The following ME3 variants were observed in gnomAD, a reference collection of about 807,000 sequenced individuals.
ME3 encodes malic enzyme 3.
In ME3, 48 loss-of-function variants were observed where a neutral mutation model predicts 68.9. That is an observed-to-expected ratio of 0.70 (90% CI 0.55 to 0.89). The LOEUF (loss-of-function observed/expected upper bound fraction) is 0.89. Among genes scored for constraint, ME3 ranks in the 40% least tolerant of loss-of-function variants. The pLI, the probability that ME3 is intolerant of heterozygous loss-of-function variation, is 0.00. For synonymous variants in ME3, 320 were observed against 318.8 expected, an observed-to-expected ratio of 1.00 and a Z score of -0.04; for missense variants, 675 against 797.4, an observed-to-expected ratio of 0.85 and a Z score of 1.85.
At chr11:86,629,077 C>A (rs1388690025) in intron 2 of ME3, among the ~76,000 whole-genome samples, 8 of 152,218 alleles carry the variant, frequency 5.3e-5, no homozygotes, top group Admixed American at 5.2e-4. Flanking sequence ...CTTGTTCCTG[C>A]AAAACCTAAC....
At chr11:86,450,523 C>A in intron 8 of ME3, 125 bp from the exon 9 acceptor site, 1 of 674,442 alleles carries the variant, frequency 1.5e-6, no homozygotes. Flanking sequence ...AGCCCTTATG[C>A]CCTGTAGGCA....
chr11:86,607,669 G>C (rs1192916710), intron 2 of ME3, among the ~76,000 whole-genome samples: 1 of 148,488 alleles, frequency 6.7e-6, no homozygotes, highest in East Asian at 2.0e-4. Context: ...GCTTCCAATA[G>C]ATCACATCTA....
At chr11:86,572,389 A>G (rs1182329980) in intron 2 of ME3, among the ~76,000 whole-genome samples, 1 of 152,106 alleles carries the variant, frequency 6.6e-6, no homozygotes, top group Non-Finnish European at 1.5e-5. Flanking sequence ...CTAGGCTTCA[A>G]GCCCTGGATG....
At chr11:86,472,912 T>TG (rs1293284043) in intron 7 of ME3, among the ~76,000 whole-genome samples, 1 of 152,192 alleles carries the variant, frequency 6.6e-6, no homozygotes, top group East Asian at 1.9e-4. Context: ...GCAAACTTAC[T>TG]TGATAAGGCG....
Position 86,559,684 on chromosome 11 carries a change from A to G in ME3, c.317+6T>C, listed in dbSNP as rs1957105916. On this transcript the variant is annotated splice_donor_region_variant and intron_variant, in intron 3 of 14. Coordinates refer to ENST00000543262, the Ensembl canonical transcript of ME3. ...CAGACAGAGAGAACAGACACTAGGT[A>G]CTGACTTGTCCAGGTCACTCTGCTG... 2 of 1,612,306 alleles carry G rather than the reference A, an allele frequency of 1.2e-6. No individual in the cohort carries two copies. The highest frequency in any genetic ancestry group is 1.7e-6 in the Non-Finnish European group (2 of 1,178,866).
chr11:86,582,004 T>C (rs1241891559), intron 2 of ME3, among the ~76,000 whole-genome samples: 5 of 152,270 alleles, frequency 3.3e-5, no homozygotes, highest in Non-Finnish European at 5.9e-5. Context: ...GCCCCTGGAA[T>C]ACACCTTTTA....
rs149064764 is a variant in ME3 at position 86,592,242 on chromosome 11, A to C, written c.184-32419T>G. On this transcript the variant is annotated intron_variant, in intron 2 of 14. Coordinates refer to ENST00000543262, the Ensembl canonical transcript of ME3. The stretch of plus-strand genomic sequence containing the variant: ...ACTTGAACAAGAATGTCCCTGGGTT[A>C]TAACATCCAGGCTGCTGCTTTTTTT... Among the ~76,000 whole-genome samples the C allele has an allele frequency of 2.4e-4, 37 of 152,342 alleles. No homozygotes were observed. The East Asian group carries it at 6.9e-3, about 29-fold the overall frequency.
intron 6 of ME3, among the ~76,000 whole-genome samples, chr11:86,490,983 A>G (rs926695874): frequency 2.0e-5 from 3 of 152,218 alleles, no homozygotes; most frequent in Non-Finnish European, 4.4e-5. Flanking sequence ...TACTGCTGAG[A>G]TACAAGGGTG....
chr11:86,607,697 G>GT (rs11388635), intron 2 of ME3, among the ~76,000 whole-genome samples: 59,268 of 134,948 alleles, frequency 0.44, 12,459 homozygotes, highest in East Asian at 0.72. Context: ...GGAAGTCGGT[G>GT]TTTTTTTTAA....
intron 7 of ME3, among the ~76,000 whole-genome samples, chr11:86,476,001 C>A (rs576924639): frequency 6.6e-6 from 1 of 152,112 alleles, no homozygotes; most frequent in Middle Eastern, 3.4e-3. Flanking sequence ...TTAGACCTAA[C>A]AGCTTTTCAC....
At chr11:86,639,093 G>A (rs896962989) in intron 2 of ME3, among the ~76,000 whole-genome samples, 10 of 152,248 alleles carry the variant, frequency 6.6e-5, no homozygotes, top group Admixed American at 3.3e-4. Flanking sequence ...TTCTCTCTCC[G>A]TGGCAAATGT....
chr11:86,526,232 G>A (rs1008280626), intron 4 of ME3, among the ~76,000 whole-genome samples: 2 of 152,234 alleles, frequency 1.3e-5, no homozygotes, highest in African/African-American at 4.8e-5. Context: ...TCCCGTGCAT[G>A]GCTCGGAGGG....
At chr11:86,591,284 TG>T (rs556949742) in intron 2 of ME3, among the ~76,000 whole-genome samples, 57 of 152,380 alleles carry the variant, frequency 3.7e-4, no homozygotes, top group South Asian at 2.5e-3. Flanking sequence ...GCCCCTGTTA[TG>T]GGCTGAATTG....
At chr11:86,630,878 C>T (rs190840327) in intron 2 of ME3, among the ~76,000 whole-genome samples, 4 of 152,214 alleles carry the variant, frequency 2.6e-5, no homozygotes, top group Non-Finnish European at 5.9e-5. Flanking sequence ...AAGGGAGCCA[C>T]AGCTAATCAG....
At chr11:86,630,817 G>A (rs1009066873) in intron 2 of ME3, among the ~76,000 whole-genome samples, 1 of 152,244 alleles carries the variant, frequency 6.6e-6, no homozygotes, top group Non-Finnish European at 1.5e-5. Flanking sequence ...GCCAGTGCCT[G>A]TGCAGTGCCA....
intron 3 of ME3, among the ~76,000 whole-genome samples, chr11:86,557,871 A>G (rs1298693764): frequency 6.6e-6 from 1 of 152,176 alleles, no homozygotes; most frequent in Non-Finnish European, 1.5e-5. Context: ...AATCCGGCAG[A>G]TTCCATAATT....
intron 2 of ME3, among the ~76,000 whole-genome samples, chr11:86,574,963 C>G (rs1958017053): frequency 8.5e-6 from 1 of 117,992 alleles, no homozygotes; most frequent in Non-Finnish European, 1.8e-5. Context: ...TCTGTGAACA[C>G]TGGCAGCTTG....
intron 6 of ME3, among the ~76,000 whole-genome samples, chr11:86,493,311 C>T (rs536305261): frequency 3.9e-5 from 6 of 152,326 alleles, no homozygotes; most frequent in African/African-American, 1.4e-4. Flanking sequence ...GAAGAGCACA[C>T]AGCATCTCCT....
chr11:86,661,176 A>C (rs1478926558), intron 2 of ME3, among the ~76,000 whole-genome samples: 2 of 152,276 alleles, frequency 1.3e-5, no homozygotes, highest in Admixed American at 1.3e-4. Context: ...ATGTGCTAAT[A>C]AATGTACACT....
Sources: allele counts gnomAD v4.1 joint callset (sites outside exome capture counted in the v4.1 genomes callset), GRCh38; gene constraint gnomAD v4.1.1; transcripts MANE v1.5; gene names NCBI Gene and HGNC (gene_info 2026-07-23, HGNC 2026-07-21).